C12orf42: variants seen among roughly 807,000 people sequenced by gnomAD.
The protein encoded by C12orf42 is uncharacterized protein C12orf42.
Under a neutral mutation model 21.6 loss-of-function variants are expected in C12orf42, and 25 were observed. The observed-to-expected ratio is 1.16, with a 90% CI of 0.84 to 1.62. The LOEUF is 1.62. Ranked by LOEUF, C12orf42 falls within the 40% of genes most tolerant of loss-of-function variation. C12orf42 has a pLI of 0.00. For synonymous variants in C12orf42, 174 were observed against 175.0 expected (o/e 0.99, Z 0.05); for missense variants, 483 against 459.3 (o/e 1.05, Z -0.47).
chr12:103,216,864 A>T, the C12orf42 span, among the ~76,000 whole-genome samples: 1 of 151,600 alleles, frequency 6.6e-6, no homozygotes, highest in Non-Finnish European at 1.5e-5. Flanking sequence ...TTTTTTTGAG[A>T]TGGAGTCCCG....
intron 4 of C12orf42, among the ~76,000 whole-genome samples, chr12:103,311,216 T>C (rs1235713105): frequency 6.6e-6 from 1 of 152,028 alleles, no homozygotes; most frequent in Non-Finnish European, 1.5e-5. Flanking sequence ...GTGTGTGTAT[T>C]CCTTATACTT....
intron 4 of C12orf42, among the ~76,000 whole-genome samples, chr12:103,293,867 T>G (rs879863162): frequency 1.5e-4 from 23 of 152,098 alleles, no homozygotes; most frequent in Admixed American, 4.6e-4. Flanking sequence ...TTTTCAGAGA[T>G]TTTGGGTCTC....
At chr12:103,316,103 C>A (rs1001300117) in intron 4 of C12orf42, among the ~76,000 whole-genome samples, 1 of 149,926 alleles carries the variant, frequency 6.7e-6, no homozygotes, top group African/African-American at 2.4e-5. Flanking sequence ...TATATACACA[C>A]ACAGTATATA....
At chr12:103,415,318 A>G (rs2049217240) in intron 2 of C12orf42, among the ~76,000 whole-genome samples, 1 of 152,172 alleles carries the variant, frequency 6.6e-6, no homozygotes, top group Admixed American at 6.5e-5. Context: ...AAAACCACAC[A>G]ATACTACTGG....
the C12orf42 span, among the ~76,000 whole-genome samples, chr12:103,185,689 CAATA>C: frequency 2.0e-5 from 3 of 151,646 alleles, no homozygotes; most frequent in African/African-American, 7.3e-5. Context: ...GTGGTTTCCC[CAATA>C]CTGTTCTTGT....
chr12:103,064,499 T>A, the C12orf42 span, among the ~76,000 whole-genome samples: 1 of 152,242 alleles, frequency 6.6e-6, no homozygotes, highest in African/African-American at 2.4e-5. Context: ...ACTTAATTTA[T>A]ATAAGCAGAA....
rs75151397 is a variant in C12orf42, at chr12:103,309,024, G to A, written c.260-2679C>T. Among the ~76,000 whole-genome samples, 1,348 of 152,240 alleles carry A rather than the reference G, an allele frequency of 8.9e-3. 18 individuals carry two copies. Among genetic ancestry groups the A allele is most frequent in the African/African-American group, 0.024 (987 of 41,536 alleles). On this transcript the variant is annotated intron_variant, in intron 4 of 5. Transcript: ENST00000548883. ...TTCAGAATCTCCAGAAAAAGCCAACGCTGCTGGTAGTTAAATTTGGATCTC... is the reference window on the plus strand; with the variant it reads ...TTCAGAATCTCCAGAAAAAGCCAACACTGCTGGTAGTTAAATTTGGATCTC...
At chr12:103,188,449 G>A in the C12orf42 span, among the ~76,000 whole-genome samples, 1 of 152,112 alleles carries the variant, frequency 6.6e-6, no homozygotes, top group Non-Finnish European at 1.5e-5. Flanking sequence ...TATTGGTGAT[G>A]TGATGTGAGG....
chr12:103,380,329 A>C (rs2046056786), intron 3 of C12orf42, among the ~76,000 whole-genome samples: 1 of 152,230 alleles, frequency 6.6e-6, no homozygotes, highest in Non-Finnish European at 1.5e-5. Flanking sequence ...AGGTCACTGC[A>C]TAAACAGATG....
the C12orf42 span, among the ~76,000 whole-genome samples, chr12:103,177,585 A>C: frequency 6.6e-6 from 1 of 152,184 alleles, no homozygotes; most frequent in African/African-American, 2.4e-5. Flanking sequence ...AACTGCCACT[A>C]TGGGCCTTCC....
chr12:103,418,269 A>T (rs1169107614), intron 2 of C12orf42, among the ~76,000 whole-genome samples: 3 of 152,188 alleles, frequency 2.0e-5, no homozygotes, highest in Admixed American at 6.5e-5. Context: ...CTAGAATCCA[A>T]ATCAAAGGAC....
At chr12:103,330,348 G>A (rs1305751971) in intron 4 of C12orf42, among the ~76,000 whole-genome samples, 1 of 152,200 alleles carries the variant, frequency 6.6e-6, no homozygotes, top group East Asian at 1.9e-4. Context: ...ATCTTATTTT[G>A]CAAATTTAAG....
chr12:103,396,115 G>T (rs2047510995), intron 3 of C12orf42, among the ~76,000 whole-genome samples: 1 of 151,368 alleles, frequency 6.6e-6, no homozygotes, highest in African/African-American at 2.4e-5. Flanking sequence ...CATAATAGTT[G>T]ATATGGTTTG....
the C12orf42 span, among the ~76,000 whole-genome samples, chr12:103,077,543 C>T: frequency 6.6e-6 from 1 of 152,186 alleles, no homozygotes; most frequent in African/African-American, 2.4e-5. Flanking sequence ...AGCTGACCCC[C>T]AGACCCTGTG....
chr12:103,360,085 A>C (rs1593603696), intron 4 of C12orf42, among the ~76,000 whole-genome samples: 1 of 150,330 alleles, frequency 6.7e-6, no homozygotes, highest in East Asian at 2.1e-4. Context: ...TTGCCCCTTC[A>C]ACCACTGTCT....
At chr12:103,457,818 C>T (rs997932929) in intron 2 of C12orf42, among the ~76,000 whole-genome samples, 1 of 152,176 alleles carries the variant, frequency 6.6e-6, no homozygotes, top group Non-Finnish European at 1.5e-5. Flanking sequence ...AAAATTCAAT[C>T]TTTCTTACCC....
At chr12:103,160,690 C>T in the C12orf42 span, among the ~76,000 whole-genome samples, 5 of 152,300 alleles carry the variant, frequency 3.3e-5, no homozygotes, top group East Asian at 1.9e-4. Flanking sequence ...GCCCATACTT[C>T]CTAAGGCAGT....
chr12:103,328,183 T>C (rs775969750), intron 4 of C12orf42, among the ~76,000 whole-genome samples: 8 of 152,128 alleles, frequency 5.3e-5, no homozygotes, highest in Non-Finnish European at 1.2e-4. Flanking sequence ...TTTTCAATAG[T>C]TCCAGCAAAA....
the C12orf42 span, among the ~76,000 whole-genome samples, chr12:103,140,417 G>A: frequency 2.0e-5 from 3 of 152,054 alleles, 1 homozygote; most frequent in Non-Finnish European, 4.4e-5. Flanking sequence ...TGGCTCTTAC[G>A]CTCTTTGAAT....
Sources: gnomAD v4.1 joint callset for allele counts (sites outside exome capture counted in the v4.1 genomes callset) on GRCh38, gnomAD v4.1.1 for gene constraint, MANE v1.5 for transcripts, NCBI Gene and HGNC (gene_info 2026-07-23, HGNC 2026-07-21) for gene names.